AGBL4: variants seen among roughly 807,000 people sequenced by gnomAD.
AGBL4 encodes the protein AGBL carboxypeptidase 4, also known as cytosolic carboxypeptidase 6.
Under a neutral mutation model 66.4 loss-of-function variants are expected in AGBL4, and 58 were observed. The observed-to-expected ratio is 0.87, with a 90% CI of 0.71 to 1.09. The LOEUF (loss-of-function observed/expected upper bound fraction) is 1.09. Ranked by LOEUF, AGBL4 falls within the 50% of genes least tolerant of loss-of-function variation. AGBL4 has a pLI of 0.00. For missense variants in AGBL4, 579 were observed against 631.0 expected, an observed-to-expected ratio of 0.92 and a Z score of 0.88; for synonymous variants, 234 against 222.9, an observed-to-expected ratio of 1.05 and a Z score of -0.44.
chr1:49,609,969 T>C (rs1449519154), intron 3 of AGBL4, among the ~76,000 whole-genome samples: 1 of 152,180 alleles, frequency 6.6e-6, no homozygotes, highest in Non-Finnish European at 1.5e-5. Flanking sequence ...CTATGACCCA[T>C]TGGCCTAAGA....
chr1:48,655,952 C>T (rs1442469215), intron 7 of AGBL4, among the ~76,000 whole-genome samples: 10 of 152,158 alleles, frequency 6.6e-5, no homozygotes, highest in South Asian at 2.1e-4. Context: ...TATTCCTCTC[C>T]GCCAAAAGTA....
chr1:49,565,157 G>C (rs941063902), intron 3 of AGBL4, among the ~76,000 whole-genome samples: 1 of 151,968 alleles, frequency 6.6e-6, no homozygotes, highest in Admixed American at 6.6e-5. Context: ...CCATTTGCTT[G>C]GTAGATCTTC....
intron 6 of AGBL4, among the ~76,000 whole-genome samples, chr1:48,735,794 A>G (rs551313780): frequency 7.2e-5 from 11 of 151,988 alleles, no homozygotes; most frequent in African/African-American, 2.4e-4. Context: ...CTGGGTACAC[A>G]GCAGCATTCC....
At chr1:49,918,463 C>T (rs1488543959) in intron 1 of AGBL4, among the ~76,000 whole-genome samples, 4 of 152,026 alleles carry the variant, frequency 2.6e-5, no homozygotes, top group East Asian at 1.9e-4. Flanking sequence ...AACACCTCTA[C>T]GCAAATAAAC....
intron 5 of AGBL4, among the ~76,000 whole-genome samples, chr1:49,006,913 C>T (rs1369913851): frequency 1.5e-4 from 18 of 121,950 alleles, no homozygotes; most frequent in Non-Finnish European, 9.0e-5. Context: ...TAGATAAAAC[C>T]ACAAAGATGG....
At chr1:49,495,157 T>C (rs1187108764) in intron 3 of AGBL4, among the ~76,000 whole-genome samples, 2 of 152,068 alleles carry the variant, frequency 1.3e-5, no homozygotes, top group Non-Finnish European at 2.9e-5. Flanking sequence ...CGTCTAATTA[T>C]AGGATTGCAT....
chr1:48,650,937 C>A (rs991722515), intron 8 of AGBL4, among the ~76,000 whole-genome samples: 2 of 152,338 alleles, frequency 1.3e-5, no homozygotes, highest in African/African-American at 4.8e-5. Context: ...ATATTTCCCC[C>A]CATAATGCCT....
chr1:49,721,074 A>G (rs1648568587), intron 2 of AGBL4, among the ~76,000 whole-genome samples: 1 of 152,098 alleles, frequency 6.6e-6, no homozygotes, highest in Non-Finnish European at 1.5e-5. Context: ...AGGGGATTGT[A>G]AAATGCTTCA....
intron 2 of AGBL4, among the ~76,000 whole-genome samples, chr1:49,734,008 T>C (rs920465050): frequency 2.0e-5 from 3 of 152,104 alleles, no homozygotes; most frequent in African/African-American, 7.2e-5. Context: ...TAACACACCA[T>C]ACTACTATAG....
intron 5 of AGBL4, among the ~76,000 whole-genome samples, chr1:49,023,386 T>C (rs1663394939): frequency 6.6e-6 from 1 of 152,144 alleles, no homozygotes; most frequent in Middle Eastern, 3.2e-3. Context: ...CATTCAGGCT[T>C]TGGTATTATC....
intron 4 of AGBL4, among the ~76,000 whole-genome samples, chr1:49,228,431 C>T (rs570985458): frequency 2.6e-5 from 4 of 151,998 alleles, no homozygotes; most frequent in Non-Finnish European, 5.9e-5. Flanking sequence ...GTGAGGTGGA[C>T]GTGCTTTGAA....
At chr1:49,610,507 T>A (rs1307135667) in intron 3 of AGBL4, among the ~76,000 whole-genome samples, 1 of 152,228 alleles carries the variant, frequency 6.6e-6, no homozygotes, top group Non-Finnish European at 1.5e-5. Flanking sequence ...TGTGTCCCTC[T>A]GAAATTCATG....
intron 4 of AGBL4, among the ~76,000 whole-genome samples, chr1:49,150,427 G>A (rs1460076173): frequency 6.6e-6 from 1 of 152,098 alleles, no homozygotes; most frequent in African/African-American, 2.4e-5. Context: ...ATTCTACTAT[G>A]TAAATGGAAA....
intron 10 of AGBL4, among the ~76,000 whole-genome samples, chr1:48,590,376 A>C: frequency 6.8e-6 from 1 of 146,242 alleles, no homozygotes; most frequent in Admixed American, 7.0e-5. Context: ...ATTGCACTCC[A>C]GCCTGGGCAA....
At chr1:49,668,608 C>T (rs918574748) in intron 3 of AGBL4, among the ~76,000 whole-genome samples, 1 of 152,056 alleles carries the variant, frequency 6.6e-6, no homozygotes, top group Non-Finnish European at 1.5e-5. Flanking sequence ...AAACAGAAAG[C>T]GACTGTCTAC....
chr1:49,814,880 T>G (rs1444690970), intron 2 of AGBL4, among the ~76,000 whole-genome samples: 1 of 152,114 alleles, frequency 6.6e-6, no homozygotes, highest in Non-Finnish European at 1.5e-5. Context: ...TTAATTTTTA[T>G]TTTTTGTGGG....
intron 1 of AGBL4, among the ~76,000 whole-genome samples, chr1:49,867,894 G>A (rs975835655): frequency 1.3e-5 from 2 of 152,052 alleles, no homozygotes; most frequent in African/African-American, 2.4e-5. Context: ...AATGTAAGTG[G>A]GCTAAATGCC....
In AGBL4 at chr1:49,045,762, C is replaced by A; in HGVS notation, c.416G>T (p.Cys139Phe). The stretch of plus-strand genomic sequence containing the variant: ...CACATAGTTCTTCCTATGGTCCGGG[C>A]AGCGGTAGTAGTAAACATTTTTGGG... ...LPPKNVYYYR[C>F]PDHRKNYVMS... Residue 139 changes from cysteine to phenylalanine, a missense_variant, in exon 5 of 14, where the codon TGC becomes TTC. Transcript: ENST00000371839. 1.3e-6 allele frequency: 2 copies of A among 1,551,554 alleles called. No homozygotes were observed. Among genetic ancestry groups the A allele is most frequent in the Middle Eastern group, 1.7e-4 (1 of 5,984 alleles).
At chr1:49,966,307 T>C (rs1657558888) in intron 1 of AGBL4, among the ~76,000 whole-genome samples, 1 of 152,204 alleles carries the variant, frequency 6.6e-6, no homozygotes. Flanking sequence ...GAGAGTTATA[T>C]TGTTACATAA....
Sources: gnomAD v4.1 joint callset for allele counts (sites outside exome capture counted in the v4.1 genomes callset) on GRCh38, gnomAD v4.1.1 for gene constraint, MANE v1.5 for transcripts, NCBI Gene and HGNC (gene_info 2026-07-23, HGNC 2026-07-21) for gene names.